Variants in USP34 observed in about 807,000 individuals in gnomAD.
USP34 encodes ubiquitin carboxyl-terminal hydrolase 34.
USP34 carries 70 observed loss-of-function variants against 460.3 expected under a neutral mutation model. The ratio of observed to expected loss-of-function variants is 0.15; its 90% CI spans 0.13 to 0.19. The LOEUF is 0.19. Ranked by LOEUF, USP34 falls within the 10% of genes least tolerant of loss-of-function variation. USP34 has a pLI of 1.00. For missense variants in USP34, 3,985 were observed against 4,236.2 expected, an observed-to-expected ratio of 0.94 and a Z score of 1.65; for synonymous variants, 1,647 against 1,405.3, an observed-to-expected ratio of 1.17 and a Z score of -3.85.
chr2:61,317,496 C>T (rs910701628), intron 23 of USP34, among the ~76,000 whole-genome samples, 158 bp downstream of exon 23: 4 of 152,214 alleles, frequency 2.6e-5, no homozygotes, highest in Non-Finnish European at 5.9e-5. Flanking sequence ...CACTGCACTA[C>T]AGCCTGAGCA....
rs752807311 is a variant in USP34, at chr2:61,405,683, A to AATTC, written c.552+21_552+24dup. Reference sequence around the variant, plus strand: ...GAAGTTAAGACTTGGTATTACTTAAAATTCACACCACCTATTTTACATACC... The same window carrying AATTC: ...GAAGTTAAGACTTGGTATTACTTAAAATTCATTCACACCACCTATTTTACATACC... On this transcript the variant is annotated intron_variant, in intron 3 of 79. Transcript: ENST00000398571. 3.3e-6 allele frequency: 5 copies of AATTC among 1,501,404 alleles called. No homozygotes were observed. The African/African-American group carries it at 7.0e-5, about 21-fold the overall frequency. The allele number at this position is 1,501,404 out of a possible 1,614,324, so 93.0% of individuals were successfully genotyped here. A position where few individuals can be genotyped will look rare whatever the true frequency, so the allele number is the denominator to read the frequency against.
intron 76 of USP34, among the ~76,000 whole-genome samples, chr2:61,192,381 G>T (rs377167350): frequency 2.0e-5 from 3 of 152,200 alleles, no homozygotes; most frequent in African/African-American, 7.2e-5. Context: ...TTAAGGAGTT[G>T]GCTCTTAGAC....
intron 69 of USP34, among the ~76,000 whole-genome samples, chr2:61,210,781 G>T (rs1044060743): frequency 6.6e-6 from 1 of 151,920 alleles, no homozygotes; most frequent in African/African-American, 2.4e-5. Flanking sequence ...GCACAATCAT[G>T]GCTCACTGCA....
At position 61,214,552 on chromosome 2, in the gene USP34, C is replaced by T. The variant is rs564456429; in HGVS notation, c.8190G>A (p.Val2730=). 6.2e-7 allele frequency: 1 copy of T among 1,613,570 alleles called. No homozygotes were observed. Among genetic ancestry groups the T allele is most frequent in the South Asian group, 1.1e-5 (1 of 90,954 alleles). ...TGGCTCTTGAGAGCAAACCAAGGAGCACGTTGTAGACCTGATGTAGGACTA... is the reference window on the plus strand; with the variant it reads ...TGGCTCTTGAGAGCAAACCAAGGAGTACGTTGTAGACCTGATGTAGGACTA... ...TTVVLHQVYN[V]LLGLLSRAKL... is the part of the protein sequence containing the mutation. The change falls in exon 68 of 80, where the codon GTG becomes GTA. Residue 2730 remains valine, a synonymous_variant. Coordinates refer to ENST00000398571, the MANE Select transcript of USP34 (RefSeq NM_014709.4).
intron 21 of USP34, among the ~76,000 whole-genome samples, chr2:61,322,353 C>A (rs1690951569): frequency 6.6e-6 from 1 of 152,110 alleles, no homozygotes; most frequent in South Asian, 2.1e-4. Flanking sequence ...GGGAGTCAGG[C>A]TAATGAGAGA....
chr2:61,206,682 C>G, intron 71 of USP34, 78 bp downstream of exon 71: 1 of 1,540,008 alleles, frequency 6.5e-7, no homozygotes, highest in Non-Finnish European at 8.8e-7. Context: ...AACAATTTCT[C>G]TGGGGCACAT....
intron 79 of USP34, 95 bp from the exon 80 acceptor site, chr2:61,188,804 A>T: frequency 6.4e-7 from 1 of 1,567,168 alleles, no homozygotes; most frequent in Non-Finnish European, 8.6e-7. Context: ...TCTAGCATTT[A>T]TATTTAGGAG....
chr2:61,281,361 C>T (rs1200545762), intron 37 of USP34, 119 bp from the exon 38 acceptor site: 1 of 1,316,424 alleles, frequency 7.6e-7, no homozygotes, highest in East Asian at 2.6e-5. Context: ...CCTGTAATCC[C>T]AGCACTTTTG....
At chr2:61,227,300 G>C (rs1056178101) in intron 61 of USP34, 82 bp from the exon 62 acceptor site, 6 of 1,452,606 alleles carry the variant, frequency 4.1e-6, no homozygotes, top group African/African-American at 1.4e-5. Context: ...TTATGTAACA[G>C]TGTAGATGGT....
rs552764261 is a variant in USP34 at position 61,192,953 on chromosome 2, G to C, written c.9536C>G (p.Pro3179Arg). 2 of 1,613,710 alleles carry C rather than the reference G, an allele frequency of 1.2e-6. No individual in the cohort carries two copies. The highest frequency in any genetic ancestry group is 1.7e-6 in the Non-Finnish European group (2 of 1,179,836). ...LSVLVAYEGL[P>R]LHLALFPKLW... ...TTTGGGGAACAGTGCAAGATGAAGT[G>C]GCAAACCTTCATAGGCAACTAGGAC... Residue 3179 changes from proline to arginine, a missense_variant, in exon 76 of 80, where the codon CCA (proline) becomes CGA (arginine). Around this residue, in one of 14 missense-constraint regions of USP34, gnomAD observed 506 missense variants for 439.0 expected, o/e 1.15. Transcript: ENST00000398571.
chr2:61,290,668 ACTT>A (rs1350285304), intron 33 of USP34, among the ~76,000 whole-genome samples: 2 of 152,016 alleles, frequency 1.3e-5, no homozygotes, highest in East Asian at 1.9e-4. Context: ...GCAGGACGGA[ACTT>A]CTTAAGTAAT....
rs570369278 is a variant in USP34, at chr2:61,389,998, A to T, written c.753+4855T>A. Among the ~76,000 whole-genome samples, 117 of 152,316 alleles carry T rather than the reference A, an allele frequency of 7.7e-4. 1 individual carries two copies. Among genetic ancestry groups the T allele is most frequent in the African/African-American group, 2.5e-3 (104 of 41,578 alleles). ...CCTATCTAGTAAAGAGATATCAAAA[A>T]ATATGTAATCCTACCCTAGTTTCTG... On this transcript the variant is annotated intron_variant, in intron 5 of 79. Transcript: ENST00000398571.
chr2:61,248,106 G>T (rs1461771865), intron 49 of USP34, among the ~76,000 whole-genome samples: 1 of 144,000 alleles, frequency 6.9e-6, no homozygotes, highest in Non-Finnish European at 1.5e-5. Context: ...AGAACTACTT[G>T]AACCTGGGAG....
intron 18 of USP34, among the ~76,000 whole-genome samples, chr2:61,337,586 C>T (rs974073636): frequency 6.6e-6 from 1 of 152,130 alleles, no homozygotes; most frequent in African/African-American, 2.4e-5. Context: ...TCCCAAGTAG[C>T]TGGGACTACA....
intron 6 of USP34, among the ~76,000 whole-genome samples, chr2:61,381,931 T>C (rs935875973): frequency 1.1e-4 from 16 of 152,080 alleles, no homozygotes; most frequent in African/African-American, 3.6e-4. Context: ...ATATCCACAG[T>C]ACAAATAAAA....
chr2:61,310,477 A>C (rs1690551403), intron 27 of USP34, among the ~76,000 whole-genome samples: 1 of 151,962 alleles, frequency 6.6e-6, no homozygotes, highest in African/African-American at 2.4e-5. Context: ...ATGCCCTACA[A>C]GCAAACAGAA....
intron 10 of USP34, among the ~76,000 whole-genome samples, chr2:61,358,217 TAAA>T (rs894461273): frequency 6.6e-6 from 1 of 151,114 alleles, no homozygotes; most frequent in Non-Finnish European, 1.5e-5. Context: ...AATAAATAAA[TAAA>T]TAAGAATGTT....
intron 2 of USP34, among the ~76,000 whole-genome samples, chr2:61,415,663 G>A (rs1308175952): frequency 1.3e-5 from 2 of 152,038 alleles, no homozygotes; most frequent in Non-Finnish European, 2.9e-5. Flanking sequence ...GAGGAGACAG[G>A]GGACACAGGG....
intron 18 of USP34, among the ~76,000 whole-genome samples, chr2:61,335,728 GAC>G (rs1691396241): frequency 6.6e-6 from 1 of 152,188 alleles, no homozygotes; most frequent in South Asian, 2.1e-4. Flanking sequence ...GGGCCTGGGT[GAC>G]ACAGTGAGAC....
Sources: gnomAD v4.1 joint callset for allele counts (sites outside exome capture counted in the v4.1 genomes callset) on GRCh38, gnomAD v4.1.1 for gene constraint, gnomAD v4.1.1 regional missense constraint, MANE v1.5 for transcripts, NCBI Gene and HGNC (gene_info 2026-07-23, HGNC 2026-07-21) for gene names.